The following ZC3H15 variants were observed in gnomAD, a reference collection of about 807,000 sequenced individuals.
ZC3H15 encodes the protein zinc finger CCCH domain-containing protein 15.
A neutral mutation model predicts 51.2 loss-of-function variants in ZC3H15; 15 were observed. The observed-to-expected ratio is 0.29, with a 90% CI of 0.20 to 0.45. The LOEUF is 0.45. Ranked by LOEUF, ZC3H15 falls within the 20% of genes least tolerant of loss-of-function variation. The pLI, the probability that ZC3H15 is intolerant of heterozygous loss-of-function variation, is 1.00. For missense variants in ZC3H15, 381 were observed against 494.7 expected (o/e 0.77, Z 2.18); for synonymous variants, 144 against 162.8 (o/e 0.88, Z 0.88).
At chr2:186,500,103 G>T in intron 2 of ZC3H15, 79 bp from the exon 3 acceptor site, 2 of 1,195,010 alleles carry the variant, frequency 1.7e-6, no homozygotes, top group South Asian at 1.5e-5. Context: ...CAAGTGTCTT[G>T]TTATGGTAAT....
chr2:186,499,253 C>T (rs1685337689), intron 2 of ZC3H15, among the ~76,000 whole-genome samples: 1 of 151,962 alleles, frequency 6.6e-6, no homozygotes, highest in East Asian at 1.9e-4. Context: ...AAAACTTGCC[C>T]TCTTGATATT....
At chr2:186,487,729 A>C (rs2105583394) in intron 1 of ZC3H15, among the ~76,000 whole-genome samples, 1 of 152,342 alleles carries the variant, frequency 6.6e-6, no homozygotes, top group South Asian at 2.1e-4. Flanking sequence ...TTTTATGAAA[A>C]CCAAGGACAT....
chr2:186,508,077 C>A (rs912232879), intron 9 of ZC3H15, among the ~76,000 whole-genome samples: 2 of 151,922 alleles, frequency 1.3e-5, no homozygotes, highest in Non-Finnish European at 2.9e-5. Context: ...AATTTGATTA[C>A]ATGATGAAGA....
chr2:186,490,253 A>G (rs1685172486), intron 1 of ZC3H15, among the ~76,000 whole-genome samples: 1 of 152,184 alleles, frequency 6.6e-6, no homozygotes, highest in Non-Finnish European at 1.5e-5. Flanking sequence ...TTGCTTTCTT[A>G]CAACTAAAAT....
chr2:186,509,080 A>C lies in ZC3H15; in HGVS notation c.*347A>C, dbSNP rs1481193387. On this transcript the variant is annotated 3_prime_UTR_variant, in exon 10 of 10. Transcript: ENST00000337859. ...CCAGAAACAACAAACTTATATTTAA[A>C]ATACCCTTCATTTGACACAGTTTTT... is the stretch of plus-strand genomic sequence containing the variant. 1 of 467,364 alleles carries C rather than the reference A, an allele frequency of 2.1e-6. No homozygotes were observed. Among genetic ancestry groups the C allele is most frequent in the Admixed American group, 2.3e-5 (1 of 42,718 alleles). 29.0% of individuals were successfully genotyped at this position (467,364 alleles called of 1,614,324 possible).
chr2:186,504,271 C>A (rs986005920), intron 6 of ZC3H15, 57 bp downstream of exon 6: 2 of 1,380,586 alleles, frequency 1.4e-6, no homozygotes, highest in South Asian at 1.7e-5. Context: ...TTGTGAAATT[C>A]TAATACTTAC....
In ZC3H15 at chr2:186,508,856, C is replaced by T; in HGVS notation, c.*123C>T. On this transcript the variant is annotated 3_prime_UTR_variant, in exon 10 of 10. Transcript: ENST00000337859. ...CCTATGCTGATTCTGGAGGAGTTAA[C>T]CTCCTGCAAAAAAGGCATCTTGTCC... is the stretch of plus-strand genomic sequence containing the variant. The T allele has an allele frequency of 1.8e-6, 2 of 1,115,440 alleles. No homozygotes were observed. The highest frequency in any genetic ancestry group is 2.6e-5 in the East Asian group (1 of 38,820). The allele number at this position is 1,115,440 out of a possible 1,614,324, so 69.1% of individuals were successfully genotyped here.
At chr2:186,495,784 A>G (rs969422570) in intron 2 of ZC3H15, among the ~76,000 whole-genome samples, 1 of 152,256 alleles carries the variant, frequency 6.6e-6, no homozygotes, top group Non-Finnish European at 1.5e-5. Flanking sequence ...AGGCTGTAGT[A>G]CTTCACATTT....
chr2:186,490,424 G>A (rs748312916), intron 1 of ZC3H15, among the ~76,000 whole-genome samples: 4 of 152,182 alleles, frequency 2.6e-5, no homozygotes, highest in African/African-American at 7.2e-5. Flanking sequence ...TCCAGGTGTC[G>A]TGAAAGATGG....
intron 2 of ZC3H15, chr2:186,497,095 G>A (rs575454811): frequency 7.1e-6 from 3 of 421,356 alleles, no homozygotes; most frequent in East Asian, 7.9e-5. Context: ...CCTCTCACTT[G>A]TAAAGATTTC....
intron 1 of ZC3H15, chr2:186,486,838 A>G: frequency 4.8e-6 from 1 of 208,900 alleles, no homozygotes. Flanking sequence ...TCTTTCTGGA[A>G]GACCGACTCA....
chr2:186,495,305 G>A lies in ZC3H15; in HGVS notation c.148G>A (p.Val50Ile). The A allele has an allele frequency of 1.3e-6, 2 of 1,547,218 alleles. No individual in the cohort carries two copies. The highest frequency in any genetic ancestry group is 1.7e-6 in the Non-Finnish European group (2 of 1,151,710). Reference sequence around the variant, plus strand: ...GTTTATCAAGGCTGTCACACATCAAGTTAAATTTGGTCAACAAAATCCACG... The same window carrying A: ...GTTTATCAAGGCTGTCACACATCAAATTAAATTTGGTCAACAAAATCCACG... ...QKFIKAVTHQ[V>I]KFGQQNPRQV... The change falls in exon 2 of 10, where the codon GTT becomes ATT. Residue 50 changes from valine to isoleucine, a missense_variant. Val to Ile is a conservative substitution (Grantham distance 29). Around this residue, in one of 3 missense-constraint regions of ZC3H15, gnomAD observed 125 missense variants for 166.3 expected, o/e 0.75. Coordinates refer to ENST00000337859, the MANE Select transcript of ZC3H15 (RefSeq NM_018471.3).
intron 9 of ZC3H15, among the ~76,000 whole-genome samples, chr2:186,507,043 A>G (rs1685480542): frequency 6.6e-6 from 1 of 152,166 alleles, no homozygotes; most frequent in South Asian, 2.1e-4. Context: ...GGAAACTAGA[A>G]GGAGACAAAA....
In ZC3H15 at chr2:186,509,174, C is replaced by CA; in HGVS notation, c.*442dup. On this transcript the variant is annotated 3_prime_UTR_variant, in exon 10 of 10. Coordinates refer to ENST00000337859, the MANE Select transcript of ZC3H15 (RefSeq NM_018471.3). ...TGCCTAAAACATGAGCACTGTACTT[C>CA]ATAAAGGAAACTGCGTATGCAGATT... 1 of 353,112 alleles carries CA rather than the reference C, an allele frequency of 2.8e-6. No homozygotes were observed. Among genetic ancestry groups the CA allele is most frequent in the South Asian group, 2.3e-5 (1 of 43,156 alleles). 21.9% of individuals were successfully genotyped at this position (353,112 alleles called of 1,614,324 possible).
At chr2:186,503,669 C>T (rs979417072) in intron 5 of ZC3H15, among the ~76,000 whole-genome samples, 3 of 152,228 alleles carry the variant, frequency 2.0e-5, no homozygotes, top group African/African-American at 7.2e-5. Context: ...GTGTAAGCCA[C>T]AACGCCTGGC....
At chr2:186,490,037 G>A (rs1685168753) in intron 1 of ZC3H15, among the ~76,000 whole-genome samples, 1 of 152,132 alleles carries the variant, frequency 6.6e-6, no homozygotes, top group African/African-American at 2.4e-5. Flanking sequence ...AGACTGATCT[G>A]CACAGTCTAT....
intron 2 of ZC3H15, 125 bp from the exon 3 acceptor site, chr2:186,500,057 T>C (rs1407948079): frequency 1.3e-6 from 1 of 757,046 alleles, no homozygotes; most frequent in South Asian, 2.0e-5. Context: ...AAGGCCATTA[T>C]AACACTGATG....
chr2:186,490,041 A>C (rs1326045557), intron 1 of ZC3H15, among the ~76,000 whole-genome samples: 1 of 152,228 alleles, frequency 6.6e-6, no homozygotes, highest in Admixed American at 6.5e-5. Context: ...TGATCTGCAC[A>C]GTCTATACAG....
chr2:186,504,849 T>C (rs952783670), intron 6 of ZC3H15, among the ~76,000 whole-genome samples: 1 of 152,196 alleles, frequency 6.6e-6, no homozygotes, highest in Non-Finnish European at 1.5e-5. Flanking sequence ...TAATAGAAAA[T>C]GTAGACTTCA....
Sources: gnomAD v4.1 joint callset for allele counts (sites outside exome capture counted in the v4.1 genomes callset) on GRCh38, gnomAD v4.1.1 for gene constraint, gnomAD v4.1.1 regional missense constraint, MANE v1.5 for transcripts, NCBI Gene and HGNC (gene_info 2026-07-23, HGNC 2026-07-21) for gene names.